Variants in DRD3 observed in about 807,000 individuals in gnomAD.
DRD3 encodes D(3) dopamine receptor.
In DRD3, 19 loss-of-function variants were observed where a neutral mutation model predicts 36.3. That is an observed-to-expected ratio of 0.52 (90% CI 0.36 to 0.77). The LOEUF is 0.77. Among genes scored for constraint, DRD3 ranks in the 30% least tolerant of loss-of-function variants. The probability of loss-of-function intolerance (pLI) is 0.00; values close to 1 mark genes in which losing one functional copy is unlikely to be tolerated. For synonymous variants in DRD3, 195 were observed against 203.7 expected (o/e 0.96, Z 0.36); for missense variants, 465 against 505.3 (o/e 0.92, Z 0.77).
chr3:114,150,674 T>C (rs549192328), intron 3 of DRD3, among the ~76,000 whole-genome samples: 43 of 152,322 alleles, frequency 2.8e-4, no homozygotes, highest in African/African-American at 9.9e-4. Context: ...CAACATTTTT[T>C]GTCTTGTCAG....
intron 1 of DRD3, among the ~76,000 whole-genome samples, chr3:114,197,428 T>C (rs952672022): frequency 4.0e-5 from 6 of 151,882 alleles, no homozygotes; most frequent in African/African-American, 1.5e-4. Context: ...GCCAATAGTG[T>C]CTTCTAAAGG....
chr3:114,139,167 G>T (rs982177892), intron 5 of DRD3, among the ~76,000 whole-genome samples: 1 of 152,190 alleles, frequency 6.6e-6, no homozygotes. Context: ...AGCAGTGCAA[G>T]GTACAACTGC....
At chr3:114,171,661 A>G in intron 2 of DRD3, 62 bp downstream of exon 2, 1 of 1,458,060 alleles carries the variant, frequency 6.9e-7, no homozygotes, top group South Asian at 1.5e-5. Context: ...CAAAGGCCAG[A>G]ACTCAGGGAA....
At chr3:114,179,269 T>A (rs2077932156), upstream of DRD3, among the ~76,000 whole-genome samples, 1 of 152,098 alleles carries the variant, frequency 6.6e-6, no homozygotes, top group African/African-American at 2.4e-5. Context: ...TTAATGGAAA[T>A]CAGTACAATT....
At chr3:114,193,421 T>C (rs1397166348) in intron 1 of DRD3, among the ~76,000 whole-genome samples, 4 of 152,122 alleles carry the variant, frequency 2.6e-5, no homozygotes, top group Non-Finnish European at 5.9e-5. Flanking sequence ...AAGCCAACAG[T>C]TGAATGCTTA....
chr3:114,177,536 C>T (rs528871048), intron 1 of DRD3, among the ~76,000 whole-genome samples: 1 of 152,060 alleles, frequency 6.6e-6, no homozygotes, highest in Non-Finnish European at 1.5e-5. Flanking sequence ...AATCAATAAG[C>T]AAATATTAAT....
At position 114,131,203 on chromosome 3, in the gene DRD3, C is replaced by A. The variant is rs201125521; in HGVS notation, c.921G>T (p.Ser307=). 196 of 1,614,046 alleles carry A rather than the reference C, an allele frequency of 1.2e-4. No individual in the cohort carries two copies. The highest frequency in any genetic ancestry group is 3.3e-4 in the Middle Eastern group (2 of 6,084). ...GCAGGGGCCCCAGCTTCAAAGATGT[C>A]GATAATCTGCCATTGCTGAGTTTTC... ...EVRKLSNGRL[S]TSLKLGPLQP... Residue 307 remains serine (S), a synonymous_variant, in exon 6 of 7, where the codon TCG becomes TCT. Coordinates refer to ENST00000383673, the MANE Select transcript of DRD3 (RefSeq NM_000796.6).
At chr3:114,180,442 C>G (rs1452016454), upstream of DRD3, among the ~76,000 whole-genome samples, 1 of 151,942 alleles carries the variant, frequency 6.6e-6, no homozygotes, top group Non-Finnish European at 1.5e-5. Flanking sequence ...GACTGGTTTC[C>G]TATAAGAAAA....
intron 1 of DRD3, among the ~76,000 whole-genome samples, chr3:114,194,322 AC>A (rs1560007478): frequency 1.3e-5 from 2 of 151,848 alleles, no homozygotes; most frequent in African/African-American, 2.4e-5. Flanking sequence ...TCAGTCCATC[AC>A]CCAGGCTGGA....
intron 1 of DRD3, among the ~76,000 whole-genome samples, chr3:114,184,444 TTA>T (rs1323223119): frequency 6.6e-6 from 1 of 152,136 alleles, no homozygotes; most frequent in Non-Finnish European, 1.5e-5. Flanking sequence ...TTTAAATGTA[TTA>T]GTCTCTTAAA....
At chr3:114,139,382 C>T (rs770794237) in intron 5 of DRD3, 118 bp downstream of exon 5, 9 of 980,232 alleles carry the variant, frequency 9.2e-6, no homozygotes, top group African/African-American at 4.9e-5. Context: ...ATTCCAAAGT[C>T]GGTGTCAGAT....
At chr3:114,152,027 A>C (rs553499852) in intron 3 of DRD3, among the ~76,000 whole-genome samples, 1 of 152,200 alleles carries the variant, frequency 6.6e-6, no homozygotes, top group East Asian at 1.9e-4. Context: ...AGTACTTCTG[A>C]AGTGGAACCC....
intron 2 of DRD3, among the ~76,000 whole-genome samples, chr3:114,168,209 C>A (rs1403488435): frequency 6.6e-6 from 1 of 152,214 alleles, no homozygotes; most frequent in African/African-American, 2.4e-5. Flanking sequence ...TTGATGACAG[C>A]TGAGTCTAAC....
chr3:114,191,525 T>C (rs2078010730), intron 1 of DRD3, among the ~76,000 whole-genome samples: 1 of 152,202 alleles, frequency 6.6e-6, no homozygotes, highest in Non-Finnish European at 1.5e-5. Context: ...GTTTGCATTT[T>C]ATTCTAAGTG....
chr3:114,158,961 G>A (rs1369463285), intron 3 of DRD3, among the ~76,000 whole-genome samples: 3 of 152,120 alleles, frequency 2.0e-5, no homozygotes, highest in African/African-American at 7.2e-5. Flanking sequence ...TCTCAGTGAG[G>A]CTGGTGATGT....
chr3:114,176,887 C>T (rs1323257091), intron 1 of DRD3, among the ~76,000 whole-genome samples: 1 of 152,042 alleles, frequency 6.6e-6, no homozygotes, highest in Non-Finnish European at 1.5e-5. Flanking sequence ...CTCACAACAA[C>T]CTGATGAAGA....
intron 5 of DRD3, among the ~76,000 whole-genome samples, 171 bp from the exon 6 acceptor site, chr3:114,131,571 G>T (rs1247798150): frequency 6.6e-6 from 1 of 152,198 alleles, no homozygotes; most frequent in Admixed American, 6.5e-5. Flanking sequence ...TAAGGGAAAT[G>T]AAATTTGCTT....
chr3:114,142,340 G>A (rs1000146064), intron 4 of DRD3, among the ~76,000 whole-genome samples: 45 of 152,160 alleles, frequency 3.0e-4, no homozygotes, highest in African/African-American at 1.0e-3. Flanking sequence ...GGGTGGCACT[G>A]CCCATCTTGT....
At chr3:114,159,622 G>C in intron 3 of DRD3, 133 bp downstream of exon 3, 1 of 670,656 alleles carries the variant, frequency 1.5e-6, no homozygotes, top group Non-Finnish European at 2.5e-6. Context: ...TACTTTAAAA[G>C]AAAAAGAGAG....
Sources: gnomAD v4.1 joint callset for allele counts (sites outside exome capture counted in the v4.1 genomes callset) on GRCh38, gnomAD v4.1.1 for gene constraint, MANE v1.5 for transcripts, NCBI Gene and HGNC (gene_info 2026-07-23, HGNC 2026-07-21) for gene names.